RBFOX1: variants seen among roughly 807,000 people sequenced by gnomAD.
The protein encoded by RBFOX1 is RNA binding protein fox-1 homolog 1.
Under a neutral mutation model 57.7 loss-of-function variants are expected in RBFOX1, and 8 were observed. The observed-to-expected ratio is 0.14, with a 90% CI of 0.08 to 0.25. The LOEUF (loss-of-function observed/expected upper bound fraction) is 0.25. RBFOX1 is among the 10% of genes least tolerant of loss of function. The probability of loss-of-function intolerance (pLI) is 1.00; values close to 1 mark genes in which losing one functional copy is unlikely to be tolerated. For synonymous variants in RBFOX1, 326 were observed against 222.4 expected, an observed-to-expected ratio of 1.47 and a Z score of -4.15; for missense variants, 611 against 548.5, an observed-to-expected ratio of 1.11 and a Z score of -1.14.
chr16:7,487,103 T>C (rs1599711803), intron 4 of RBFOX1, among the ~76,000 whole-genome samples: 1 of 152,222 alleles, frequency 6.6e-6, no homozygotes, highest in East Asian at 1.9e-4. Flanking sequence ...TTTCTCCATG[T>C]TGGGCAAGCT....
chr16:5,662,715 T>A (rs2049697608), intron 3 of RBFOX1, among the ~76,000 whole-genome samples: 1 of 152,246 alleles, frequency 6.6e-6, no homozygotes, highest in Non-Finnish European at 1.5e-5. Flanking sequence ...AAGTCACTGA[T>A]AACACAGCAG....
At chr16:5,343,442 G>C (rs1377226874) in intron 1 of RBFOX1, among the ~76,000 whole-genome samples, 1 of 151,120 alleles carries the variant, frequency 6.6e-6, no homozygotes, top group Non-Finnish European at 1.5e-5. Flanking sequence ...AGCCTCTTGA[G>C]TAGCTGGGAC....
At chr16:6,795,495 C>A (rs148285963) in intron 3 of RBFOX1, among the ~76,000 whole-genome samples, 2 of 152,014 alleles carry the variant, frequency 1.3e-5, no homozygotes, top group African/African-American at 4.8e-5. Flanking sequence ...TGGCTGCGCA[C>A]GTTGGCTCAC....
chr16:6,812,422 G>A (rs957912063), intron 3 of RBFOX1, among the ~76,000 whole-genome samples: 1 of 152,110 alleles, frequency 6.6e-6, no homozygotes, highest in Non-Finnish European at 1.5e-5. Flanking sequence ...CACCCAGGCT[G>A]GAGTGCAGTG....
intron 3 of RBFOX1, among the ~76,000 whole-genome samples, chr16:5,759,063 C>A (rs142477639): frequency 1.3e-5 from 2 of 152,160 alleles, no homozygotes; most frequent in East Asian, 3.9e-4. Context: ...TTTCTACTTC[C>A]ATAAAATGGG....
intron 4 of RBFOX1, among the ~76,000 whole-genome samples, chr16:7,220,945 C>G (rs1015675985): frequency 1.3e-5 from 2 of 152,046 alleles, no homozygotes; most frequent in Non-Finnish European, 2.9e-5. Context: ...ATTTGCATTT[C>G]AAAGACTGAT....
chr16:6,508,745 A>G (rs1277285098), intron 2 of RBFOX1, among the ~76,000 whole-genome samples: 2 of 152,146 alleles, frequency 1.3e-5, no homozygotes, highest in Non-Finnish European at 2.9e-5. Context: ...CACAGGATGA[A>G]TTACTTGCCA....
chr16:5,545,555 A>T (rs777811114), intron 2 of RBFOX1, among the ~76,000 whole-genome samples: 7 of 152,318 alleles, frequency 4.6e-5, no homozygotes, highest in African/African-American at 7.2e-5. Context: ...TTAAAATTCA[A>T]ATATAATCAA....
intron 5 of RBFOX1, among the ~76,000 whole-genome samples, chr16:7,520,620 G>T (rs1376727603): frequency 6.6e-6 from 1 of 152,168 alleles, no homozygotes; most frequent in African/African-American, 2.4e-5. Context: ...TGGTTCTTCT[G>T]AACACTCCTG....
At chr16:7,374,584 C>T (rs974129533) in intron 4 of RBFOX1, among the ~76,000 whole-genome samples, 2 of 152,072 alleles carry the variant, frequency 1.3e-5, no homozygotes, top group Admixed American at 6.6e-5. Context: ...TTTAACCTGA[C>T]AGGAAGATTA....
At chr16:6,861,852 T>C (rs1477462696) in intron 3 of RBFOX1, among the ~76,000 whole-genome samples, 2 of 149,518 alleles carry the variant, frequency 1.3e-5, no homozygotes, top group African/African-American at 2.5e-5. Flanking sequence ...TTTGGTTTTT[T>C]TTTTGGTCTA....
intron 2 of RBFOX1, among the ~76,000 whole-genome samples, chr16:6,526,666 T>C (rs2096582014): frequency 6.6e-6 from 1 of 150,932 alleles, no homozygotes; most frequent in African/African-American, 2.4e-5. Flanking sequence ...CCGTGTCTAC[T>C]AAAAATACAA....
At chr16:6,700,300 C>T (rs2061632629) in intron 3 of RBFOX1, among the ~76,000 whole-genome samples, 1 of 151,778 alleles carries the variant, frequency 6.6e-6, no homozygotes, top group Non-Finnish European at 1.5e-5. Context: ...TGAAAAATAA[C>T]AGTATAACAT....
chr16:6,655,038 C>T (rs764749804), intron 3 of RBFOX1, among the ~76,000 whole-genome samples: 1 of 151,534 alleles, frequency 6.6e-6, no homozygotes, highest in Non-Finnish European at 1.5e-5. Context: ...TAATATTAGG[C>T]TTCCCAGGGT....
At chr16:7,297,147 G>C (rs1211825804) in intron 4 of RBFOX1, among the ~76,000 whole-genome samples, 2 of 152,174 alleles carry the variant, frequency 1.3e-5, no homozygotes, top group African/African-American at 4.8e-5. Flanking sequence ...TCTCTTCATT[G>C]TGCCTGCAGG....
At chr16:5,379,465 A>G (rs2066075444) in intron 1 of RBFOX1, among the ~76,000 whole-genome samples, 1 of 147,162 alleles carries the variant, frequency 6.8e-6, no homozygotes, top group Admixed American at 6.6e-5. Flanking sequence ...AAACATAATC[A>G]TCTCTGAATG....
chr16:6,138,709 T>C (rs1467571421), intron 1 of RBFOX1, among the ~76,000 whole-genome samples: 2 of 151,784 alleles, frequency 1.3e-5, no homozygotes, highest in Non-Finnish European at 2.9e-5. Context: ...CTACTGAAAA[T>C]ACAAAAAATT....
At chr16:7,314,304 C>T (rs1035456502) in intron 4 of RBFOX1, among the ~76,000 whole-genome samples, 3 of 152,190 alleles carry the variant, frequency 2.0e-5, no homozygotes, top group Non-Finnish European at 4.4e-5. Flanking sequence ...TGCTTTTGTT[C>T]ACTTGCGGGG....
chr16:6,540,611 C>CA lies in RBFOX1; in HGVS notation c.-63-113965dup, dbSNP rs140566519. Among the ~76,000 whole-genome samples, 285 of 67,656 alleles carry CA rather than the reference C, an allele frequency of 4.2e-3. 16 individuals are homozygous for CA. Among genetic ancestry groups the CA allele is most frequent in the Middle Eastern group, 0.013 (1 of 76 alleles). 44.4% of individuals were successfully genotyped at this position (67,656 alleles called of 152,430 possible). A position where few individuals can be genotyped will look rare whatever the true frequency, so the allele number is the denominator to read the frequency against. ...TGGGCAACAGAGCGAGACTCTGTCTCAAAAAAAAAAAAAAAAAAAAAAAAA... is the reference window on the plus strand; with the variant it reads ...TGGGCAACAGAGCGAGACTCTGTCTCAAAAAAAAAAAAAAAAAAAAAAAAAA... On this transcript the variant is annotated intron_variant, in intron 2 of 15. Coordinates refer to ENST00000550418, the MANE Select transcript of RBFOX1 (RefSeq NM_018723.4).
Sources: allele counts gnomAD v4.1 joint callset (sites outside exome capture counted in the v4.1 genomes callset), GRCh38; gene constraint gnomAD v4.1.1; transcripts MANE v1.5; gene names NCBI Gene and HGNC (gene_info 2026-07-23, HGNC 2026-07-21).